TAS1R2: variants seen among roughly 807,000 people sequenced by gnomAD.
TAS1R2 encodes taste receptor type 1 member 2.
TAS1R2 carries 47 observed loss-of-function variants against 49.3 expected under a neutral mutation model. The observed-to-expected ratio is 0.95, with a 90% CI of 0.75 to 1.22. The LOEUF is 1.22. Among genes scored for constraint, TAS1R2 ranks in the 50% most tolerant of loss-of-function variants. The pLI is 0.00. For missense variants in TAS1R2, 1,155 were observed against 1,122.1 expected, an observed-to-expected ratio of 1.03 and a Z score of -0.42; for synonymous variants, 479 against 467.9, an observed-to-expected ratio of 1.02 and a Z score of -0.31.
chr1:18,839,954 G>C (rs1361652954), exon 6 of TAS1R2: 11 of 1,614,068 alleles, frequency 6.8e-6, no homozygotes, highest in African/African-American at 1.3e-5. Flanking sequence ...GCGGTAGTTG[G>C]GGTTACAGGA....
At chr1:18,852,272 C>A (rs1346114000) in intron 3 of TAS1R2, among the ~76,000 whole-genome samples, 3 of 152,192 alleles carry the variant, frequency 2.0e-5, no homozygotes, top group Non-Finnish European at 4.4e-5. Flanking sequence ...AAGGACACCA[C>A]ATACCATTTT....
At chr1:18,842,715 T>C (rs1374683330) in intron 4 of TAS1R2, among the ~76,000 whole-genome samples, 1 of 152,172 alleles carries the variant, frequency 6.6e-6, no homozygotes, top group East Asian at 1.9e-4. Context: ...TACTGTATGA[T>C]TCTACTTATA....
intron 1 of TAS1R2, 31 bp from the exon 2 acceptor site, chr1:18,857,662 G>A (rs201031818): frequency 4.2e-4 from 670 of 1,596,882 alleles, no homozygotes; most frequent in Non-Finnish European, 5.3e-4. Flanking sequence ...TGAGGTGGAA[G>A]CAGATCCAGA....
intron 3 of TAS1R2, among the ~76,000 whole-genome samples, chr1:18,851,617 C>T (rs905373980): frequency 2.0e-5 from 3 of 152,162 alleles, no homozygotes; most frequent in African/African-American, 7.2e-5. Flanking sequence ...GTGTGAGCCA[C>T]CGCACCCGGC....
In TAS1R2 at chr1:18,855,255, C is replaced by T. The variant is rs1314979855; in HGVS notation, c.484-269G>A. Among the ~76,000 whole-genome samples the T allele has an allele frequency of 3.3e-5, 5 of 152,194 alleles. No homozygotes were observed. The East Asian group carries it at 7.7e-4, about 23-fold the overall frequency. ...GTGTACCACACCCTGGGCCAAGCCA[C>T]ATACACCATCATCCTCATGGTCATC... On this transcript the variant is annotated intron_variant, in intron 2 of 5. Coordinates refer to ENST00000375371, the Ensembl canonical transcript of TAS1R2.
chr1:18,857,748 G>A, intron 1 of TAS1R2, 117 bp from the exon 2 acceptor site: 2 of 1,195,048 alleles, frequency 1.7e-6, no homozygotes, highest in Non-Finnish European at 1.2e-6. Flanking sequence ...TGACTGAGAA[G>A]AGCCACTCCA....
At chr1:18,848,287 G>A (rs1180091300) in intron 4 of TAS1R2, among the ~76,000 whole-genome samples, 1 of 152,094 alleles carries the variant, frequency 6.6e-6, no homozygotes, top group African/African-American at 2.4e-5. Flanking sequence ...GGAGAAAATG[G>A]TAGCATTTAT....
intron 1 of TAS1R2, among the ~76,000 whole-genome samples, 168 bp downstream of exon 1, chr1:18,859,311 G>A (rs57634471): frequency 0.019 from 2,960 of 152,280 alleles, 87 homozygotes; most frequent in African/African-American, 0.066. Context: ...ATTATACGGG[G>A]CCTCCCTGAG....
chr1:18,845,753 C>T (rs1933909010), intron 4 of TAS1R2, among the ~76,000 whole-genome samples: 1 of 152,180 alleles, frequency 6.6e-6, no homozygotes. Flanking sequence ...AATCCCAGTG[C>T]ACCTGCGGGT....
At position 18,851,928 on chromosome 1, in the gene TAS1R2, C is replaced by T. The variant is rs112849303; in HGVS notation, c.1257+2285G>A. 2.3e-3 allele frequency among the ~76,000 whole-genome samples: 356 copies of T among 152,330 alleles called. 1 individual carries two copies. The highest frequency in any genetic ancestry group is 7.1e-3 in the African/African-American group (294 of 41,570). ...TTTGACCTGTGTATGGGACAGCAAC[C>T]GTGTAGTAACAGTATCTGCTCAACA... On this transcript the variant is annotated intron_variant, in intron 3 of 5. Coordinates refer to ENST00000375371, the Ensembl canonical transcript of TAS1R2.
At chr1:18,850,575 G>A (rs767711793) in intron 3 of TAS1R2, among the ~76,000 whole-genome samples, 3 of 152,256 alleles carry the variant, frequency 2.0e-5, no homozygotes, top group South Asian at 2.1e-4. Flanking sequence ...TCAGGATGGC[G>A]GAGGCCCCTG....
rs567660058 is a variant in TAS1R2, at chr1:18,844,971, A to G, written c.1468-3119T>C. 2.6e-5 allele frequency among the ~76,000 whole-genome samples: 4 copies of G among 152,268 alleles called. No homozygotes were observed. The East Asian group carries it at 5.8e-4, about 22-fold the overall frequency. ...ACATTCCAGCATCAGAGACCCACCC[A>G]TGCTGAGCCCTTGACTTGATACAAT... On this transcript the variant is annotated intron_variant, in intron 4 of 5. Coordinates refer to ENST00000375371, the Ensembl canonical transcript of TAS1R2.
chr1:18,852,175 T>C (rs973664882), intron 3 of TAS1R2, among the ~76,000 whole-genome samples: 10 of 152,048 alleles, frequency 6.6e-5, no homozygotes, highest in African/African-American at 2.4e-4. Context: ...ACAAAGGATA[T>C]CAACACAATC....
At chr1:18,855,192 C>T (rs1030683656) in intron 2 of TAS1R2, among the ~76,000 whole-genome samples, 7 of 152,136 alleles carry the variant, frequency 4.6e-5, no homozygotes, top group Non-Finnish European at 8.8e-5. Context: ...AGGCCAGGTG[C>T]CTTATCTCAG....
exon 6 of TAS1R2, chr1:18,840,366 C>A: frequency 6.2e-7 from 1 of 1,614,158 alleles, no homozygotes; most frequent in Non-Finnish European, 8.5e-7. Context: ...CAGAATATCA[C>A]CAGGATGGCC....
intron 3 of TAS1R2, among the ~76,000 whole-genome samples, chr1:18,852,952 G>A (rs1934060157): frequency 6.6e-6 from 1 of 152,242 alleles, no homozygotes; most frequent in South Asian, 2.1e-4. Flanking sequence ...CAACAAAAGG[G>A]ATGGGACATC....
rs28470550 is a variant in TAS1R2, at chr1:18,854,588, A to G, written c.882T>C (p.Thr294=). 3.8e-5 allele frequency: 61 copies of G among 1,613,710 alleles called. No individual in the cohort carries two copies. The highest frequency in any genetic ancestry group is 5.2e-5 in the Non-Finnish European group (61 of 1,179,920). ...ACTCGGAGGCGATCCACACGGCGCCAGTGAAGTTCTGGCGCAGCACCTCAT... is the reference window on the plus strand; with the variant it reads ...ACTCGGAGGCGATCCACACGGCGCCGGTGAAGTTCTGGCGCAGCACCTCAT... Residue 294 remains threonine, a synonymous_variant, in exon 3 of 6, where the codon ACT becomes ACC. Coordinates refer to ENST00000375371, the Ensembl canonical transcript of TAS1R2. This position sits in a 1 kb window ranked among gnomAD's most constrained non-coding sequence, Gnocchi z 4.9.
intron 5 of TAS1R2, among the ~76,000 whole-genome samples, chr1:18,841,483 C>T (rs954748917): frequency 4.6e-5 from 7 of 152,216 alleles, no homozygotes; most frequent in African/African-American, 1.7e-4. Flanking sequence ...TGCAGTCCAG[C>T]GTGGGGGAGT....
chr1:18,859,484 G>A (rs983809094), exon 1 of TAS1R2: 2 of 1,614,008 alleles, frequency 1.2e-6, no homozygotes, highest in East Asian at 4.5e-5. Flanking sequence ...CTCACTCCTT[G>A]CACATGGGCA....
Sources: gnomAD v4.1 joint callset for allele counts (sites outside exome capture counted in the v4.1 genomes callset) on GRCh38, gnomAD v4.1.1 for gene constraint, Gnocchi (gnomAD v3.1) non-coding constraint, MANE v1.5 for transcripts, NCBI Gene and HGNC (gene_info 2026-07-23, HGNC 2026-07-21) for gene names.